The following RNF220 variants were observed in gnomAD, a reference collection of about 807,000 sequenced individuals.
RNF220 encodes E3 ubiquitin-protein ligase RNF220.
RNF220 carries 7 observed loss-of-function variants against 67.1 expected under a neutral mutation model. The observed-to-expected ratio is 0.10, with a 90% confidence interval of 0.06 to 0.20. The LOEUF is 0.20. Ranked by LOEUF, RNF220 falls within the 10% of genes least tolerant of loss-of-function variation. RNF220 has a pLI of 1.00. For synonymous variants in RNF220, 270 were observed against 283.2 expected, an observed-to-expected ratio of 0.95 and a Z score of 0.47; for missense variants, 565 against 740.3, an observed-to-expected ratio of 0.76 and a Z score of 2.75.
chr1:44,514,136 A>G (rs1019451510), intron 2 of RNF220, among the ~76,000 whole-genome samples: 1 of 152,008 alleles, frequency 6.6e-6, no homozygotes, highest in Non-Finnish European at 1.5e-5. Flanking sequence ...TTAGTGTCTA[A>G]CTCCCACTCC....
intron 6 of RNF220, chr1:44,635,241 CTT>C (rs1489040758): frequency 2.9e-5 from 10 of 346,024 alleles, no homozygotes; most frequent in Admixed American, 1.3e-4. Flanking sequence ...CATGGAGTGT[CTT>C]TGCTCACTGG....
intron 2 of RNF220, among the ~76,000 whole-genome samples, chr1:44,560,777 G>A (rs532687597): frequency 4.6e-5 from 7 of 151,950 alleles, no homozygotes; most frequent in Non-Finnish European, 7.4e-5. Context: ...GGCCAGGCTG[G>A]TCTTGAAAGC....
intron 2 of RNF220, among the ~76,000 whole-genome samples, chr1:44,545,333 G>A (rs1052919559): frequency 1.3e-5 from 2 of 152,162 alleles, no homozygotes; most frequent in African/African-American, 4.8e-5. Flanking sequence ...AAGAATTGTG[G>A]AGAAGAAAGC....
chr1:44,629,369 G>A (rs942569906), intron 5 of RNF220, among the ~76,000 whole-genome samples: 2 of 152,214 alleles, frequency 1.3e-5, no homozygotes, highest in Admixed American at 6.5e-5. Flanking sequence ...CAATGAATCT[G>A]ACTCCACTAG....
intron 2 of RNF220, among the ~76,000 whole-genome samples, chr1:44,556,673 C>A (rs1312891631): frequency 6.6e-6 from 1 of 151,932 alleles, no homozygotes. Flanking sequence ...CATTCTCCTG[C>A]CTCAGTCTCC....
chr1:44,589,728 A>G (rs1458665883), intron 2 of RNF220, among the ~76,000 whole-genome samples: 1 of 152,128 alleles, frequency 6.6e-6, no homozygotes, highest in Non-Finnish European at 1.5e-5. Flanking sequence ...TCCATTTTAC[A>G]TGGAAAAACT....
rs571586823 is a variant in RNF220, at chr1:44,522,043, C to T, written c.626-92122C>T. Among the ~76,000 whole-genome samples the T allele has an allele frequency of 2.6e-5, 4 of 152,130 alleles. No homozygotes were observed. In the South Asian group the frequency reaches 8.3e-4, roughly 32 times the overall value. ...GCATGAAACAACAAAGCAAGATGGC[C>T]GCAACTTTAGGATTTATTAAGAAAA... On this transcript the variant is annotated intron_variant, in intron 2 of 14. Coordinates refer to ENST00000361799, the MANE Select transcript of RNF220 (RefSeq NM_018150.4).
At chr1:44,635,901 A>G in intron 7 of RNF220, 129 bp from the exon 8 acceptor site, 1 of 1,492,408 alleles carries the variant, frequency 6.7e-7, no homozygotes, top group Non-Finnish European at 9.1e-7. Flanking sequence ...GTTTGCTTCA[A>G]AGGAGCCCTA....
At chr1:44,620,964 G>A (rs1246241108) in intron 3 of RNF220, among the ~76,000 whole-genome samples, 1 of 147,438 alleles carries the variant, frequency 6.8e-6, no homozygotes, top group East Asian at 2.0e-4. Context: ...TGCCCAGGCT[G>A]GAGTACAGTG....
rs1365717604 is a variant in RNF220 at position 44,606,381 on chromosome 1, A to G, written c.626-7784A>G. On this transcript the variant is annotated intron_variant, in intron 2 of 14. Coordinates refer to ENST00000361799, the MANE Select transcript of RNF220 (RefSeq NM_018150.4). This position sits in a 1 kb window ranked among gnomAD's most constrained non-coding sequence, Gnocchi z 4.2. ...AGGCGCCAATCATAGTTTTAAGAGAAGGAGGAAGGGACTGAGTGAGGGGAG... is the reference window on the plus strand; with the variant it reads ...AGGCGCCAATCATAGTTTTAAGAGAGGGAGGAAGGGACTGAGTGAGGGGAG... 6.6e-6 allele frequency among the ~76,000 whole-genome samples: 1 copy of G among 152,218 alleles called. No homozygotes were observed. Among genetic ancestry groups the G allele is most frequent in the Non-Finnish European group, 1.5e-5 (1 of 68,044 alleles).
At chr1:44,611,052 G>T (rs1184484930) in intron 2 of RNF220, among the ~76,000 whole-genome samples, 1 of 152,188 alleles carries the variant, frequency 6.6e-6, no homozygotes, top group Admixed American at 6.5e-5. Flanking sequence ...TGTCGTTAGT[G>T]CAGTAAAACC....
intron 7 of RNF220, chr1:44,635,812 T>G: frequency 7.7e-7 from 1 of 1,299,652 alleles, no homozygotes; most frequent in Non-Finnish European, 1.0e-6. Flanking sequence ...CTCCTTTTGC[T>G]TTCACTCTCA....
chr1:44,635,488 G>A, intron 6 of RNF220, 57 bp from the exon 7 acceptor site: 2 of 1,589,250 alleles, frequency 1.3e-6, no homozygotes, highest in South Asian at 1.1e-5. Flanking sequence ...CTGGGACCCT[G>A]GGGGCTGCAG....
intron 5 of RNF220, among the ~76,000 whole-genome samples, chr1:44,628,747 G>T (rs1644030561): frequency 6.6e-6 from 1 of 152,162 alleles, no homozygotes; most frequent in Non-Finnish European, 1.5e-5. Flanking sequence ...CTTTTCACAT[G>T]CTATTTCTTC....
In RNF220 at chr1:44,616,526, T is replaced by C. The variant is rs763931437; in HGVS notation, c.758+2229T>C. ...CTAAGGTTGCACAGCTAGTAAGTGA[T>C]GAAGATAAGATTCAAACCTAAAGTA... On this transcript the variant is annotated intron_variant, in intron 3 of 14. Transcript: ENST00000361799. Among the ~76,000 whole-genome samples, 46 of 152,248 alleles carry C rather than the reference T, an allele frequency of 3.0e-4. 1 individual carries two copies. In the South Asian group the frequency reaches 5.2e-3, roughly 17 times the overall value.
intron 2 of RNF220, among the ~76,000 whole-genome samples, chr1:44,552,135 C>T (rs765232480): frequency 3.3e-5 from 5 of 152,144 alleles, no homozygotes; most frequent in African/African-American, 9.7e-5. Context: ...AAAAAGGCTC[C>T]GCAGCAGGCT....
At chr1:44,623,875 G>A (rs1044339876) in intron 4 of RNF220, among the ~76,000 whole-genome samples, 1 of 152,228 alleles carries the variant, frequency 6.6e-6, no homozygotes, top group African/African-American at 2.4e-5. Flanking sequence ...GTCAAACAGG[G>A]AAAGACTGGA....
At chr1:44,635,320 G>C in intron 6 of RNF220, 3 of 550,486 alleles carry the variant, frequency 5.4e-6, no homozygotes, top group Middle Eastern at 4.6e-4. Context: ...CCAAAGAGTG[G>C]ACTTACTCAC....
At chr1:44,538,521 G>A (rs921817693) in intron 2 of RNF220, among the ~76,000 whole-genome samples, 2 of 152,314 alleles carry the variant, frequency 1.3e-5, no homozygotes, top group East Asian at 1.9e-4. Context: ...TCAAACAGCA[G>A]TAACAACCTC....
Sources: allele counts gnomAD v4.1 joint callset (sites outside exome capture counted in the v4.1 genomes callset), GRCh38; gene constraint gnomAD v4.1.1; non-coding constraint Gnocchi (gnomAD v3.1); transcripts MANE v1.5; gene names NCBI Gene and HGNC (gene_info 2026-07-23, HGNC 2026-07-21).